The following C10orf143 variants were observed in gnomAD, a reference collection of about 807,000 sequenced individuals.
C10orf143 encodes uncharacterized protein C10orf143.
chr10:130,098,556 A>G (rs1401621989), intron 1 of C10orf143, among the ~76,000 whole-genome samples: 1 of 152,206 alleles, frequency 6.6e-6, no homozygotes, highest in Non-Finnish European at 1.5e-5. Flanking sequence ...AGTTAAACAC[A>G]CACACACCCT....
At chr10:130,047,703 G>A (rs559368927) in intron 3 of C10orf143, among the ~76,000 whole-genome samples, 5 of 152,296 alleles carry the variant, frequency 3.3e-5, no homozygotes, top group South Asian at 2.1e-4. Flanking sequence ...CCCAGGCCAC[G>A]TGACCCTAGC....
chr10:130,078,928 C>T (rs780233939), intron 3 of C10orf143, among the ~76,000 whole-genome samples: 4 of 151,874 alleles, frequency 2.6e-5, no homozygotes, highest in African/African-American at 4.8e-5. Flanking sequence ...ATTAAGATTC[C>T]AAATGTAAAA....
At chr10:130,067,582 A>G (rs1000599867) in intron 3 of C10orf143, 2 of 152,152 alleles carry the variant, frequency 1.3e-5, no homozygotes, top group Non-Finnish European at 2.9e-5. Context: ...CTGCCAGAGG[A>G]GTCATTTTTT....
intron 1 of C10orf143, among the ~76,000 whole-genome samples, chr10:130,081,843 G>T: frequency 3.6e-4 from 1 of 2,744 alleles, no homozygotes; most frequent in Non-Finnish European, 6.4e-4. Context: ...ACATTATAAA[G>T]ATGACAGTTC....
At chr10:130,084,149 A>T (rs1861252490) in intron 1 of C10orf143, among the ~76,000 whole-genome samples, 1 of 151,908 alleles carries the variant, frequency 6.6e-6, no homozygotes, top group Non-Finnish European at 1.5e-5. Flanking sequence ...TCTCTACTAA[A>T]AATACAAAAA....
chr10:130,064,151 T>C lies in C10orf143; in HGVS notation c.*203A>G, dbSNP rs768156864. 6 of 386,968 alleles carry C rather than the reference T, an allele frequency of 1.6e-5. No individual in the cohort carries two copies. The highest frequency in any genetic ancestry group is 2.3e-5 in the Non-Finnish European group (5 of 219,564). The allele number at this position is 386,968 out of a possible 1,614,324, so 24.0% of individuals were successfully genotyped here. Reference sequence around the variant, plus strand: ...GGATTTGGGGGCTCTTTTGAAGTGATGTGGATTCTCCTGGCTCTCGTGCAG... The same window carrying C: ...GGATTTGGGGGCTCTTTTGAAGTGACGTGGATTCTCCTGGCTCTCGTGCAG... On this transcript the variant is annotated 3_prime_UTR_variant, in exon 4 of 4. Transcript: ENST00000637128.
chr10:130,062,388 A>T (rs562915188), downstream of C10orf143, among the ~76,000 whole-genome samples: 2 of 152,136 alleles, frequency 1.3e-5, no homozygotes, highest in African/African-American at 2.4e-5. Flanking sequence ...CTCACCCTCA[A>T]TCTGGGTGGG....
chr10:130,085,507 GT>G (rs776026630), intron 1 of C10orf143, among the ~76,000 whole-genome samples: 1 of 152,194 alleles, frequency 6.6e-6, no homozygotes, highest in Non-Finnish European at 1.5e-5. Context: ...GACTGTCAAA[GT>G]GTCACAGATT....
rs368504261 is a variant in C10orf143 at position 130,085,000 on chromosome 10, A to G, written c.70-5099T>C. Among the ~76,000 whole-genome samples, 11 of 152,370 alleles carry G rather than the reference A, an allele frequency of 7.2e-5. No homozygotes were observed. In the East Asian group the frequency reaches 2.1e-3, roughly 29 times the overall value. On this transcript the variant is annotated intron_variant, in intron 1 of 3. Coordinates refer to ENST00000637128, the MANE Select transcript of C10orf143 (RefSeq NM_001355042.2). ...AAAACAGCACTGGATAATCCACAGA[A>G]TAAAGTAAATGCCTATTAGTCTACC...
At chr10:130,035,445 G>C (rs190661737) in intron 4 of C10orf143, among the ~76,000 whole-genome samples, 7 of 152,272 alleles carry the variant, frequency 4.6e-5, no homozygotes, top group South Asian at 2.1e-4. Flanking sequence ...CATGAATTTG[G>C]GGGGACTCAA....
In C10orf143 at chr10:130,050,221, G is replaced by A. The variant is rs974870042; in HGVS notation, c.298-14251C>T. Among the ~76,000 whole-genome samples the A allele has an allele frequency of 3.9e-5, 6 of 152,268 alleles. 1 individual carries two copies. In the South Asian group the frequency reaches 6.2e-4, roughly 16 times the overall value. Reference sequence around the variant, plus strand: ...TCACACCCAAACTTCCACTCTCGCTGGCCCCGGCCAAGTGCAGAATTGCGG... The same window carrying A: ...TCACACCCAAACTTCCACTCTCGCTAGCCCCGGCCAAGTGCAGAATTGCGG... On this transcript the variant is annotated intron_variant and NMD_transcript_variant, in intron 3 of 5. Transcript: ENST00000643056.
At chr10:130,102,803 C>T (rs1009459475) in intron 1 of C10orf143, among the ~76,000 whole-genome samples, 3 of 152,040 alleles carry the variant, frequency 2.0e-5, no homozygotes, top group African/African-American at 7.3e-5. Context: ...ATGAAATCAC[C>T]TTTTATATCC....
intron 3 of C10orf143, among the ~76,000 whole-genome samples, chr10:130,042,660 C>T (rs184588193): frequency 3.9e-4 from 59 of 152,320 alleles, no homozygotes; most frequent in Non-Finnish European, 1.2e-4. Context: ...AGGTTTGGAT[C>T]CACCTCTCCG....
At chr10:130,045,626 A>G (rs1310518384) in intron 3 of C10orf143, among the ~76,000 whole-genome samples, 3 of 152,202 alleles carry the variant, frequency 2.0e-5, no homozygotes, top group East Asian at 3.9e-4. Flanking sequence ...TGAAGCAGAG[A>G]TGTCAAAAAA....
At chr10:130,075,202 C>T (rs1861095617) in intron 3 of C10orf143, among the ~76,000 whole-genome samples, 1 of 152,156 alleles carries the variant, frequency 6.6e-6, no homozygotes, top group Admixed American at 6.5e-5. Flanking sequence ...GCTGGCTTTT[C>T]AGTGGTAACT....
chr10:130,087,851 G>A (rs1467764673), intron 1 of C10orf143, among the ~76,000 whole-genome samples: 1 of 152,176 alleles, frequency 6.6e-6, no homozygotes, highest in Non-Finnish European at 1.5e-5. Context: ...CTCTGCCACC[G>A]GTGGGGCTCT....
rs1391277254 is a variant in C10orf143 at position 130,096,314 on chromosome 10, G to A, written c.69+14390C>T. ...CAACAGATGCTGGAGAGGATGTGGA[G>A]AAATAGGAACGTTTTTACACTGTTG... is the stretch of plus-strand genomic sequence containing the variant. On this transcript the variant is annotated intron_variant, in intron 1 of 3. Coordinates refer to ENST00000637128, the MANE Select transcript of C10orf143 (RefSeq NM_001355042.2). Among the ~76,000 whole-genome samples, 3 of 151,994 alleles carry A rather than the reference G, an allele frequency of 2.0e-5. No individual in the cohort carries two copies. In the East Asian group the frequency reaches 5.8e-4, roughly 29 times the overall value.
chr10:130,070,881 G>A (rs191624800), intron 3 of C10orf143, among the ~76,000 whole-genome samples: 1 of 151,998 alleles, frequency 6.6e-6, no homozygotes, highest in Non-Finnish European at 1.5e-5. Context: ...GGTTGTTTCT[G>A]GCTTTTCTTA....
chr10:130,105,033 ATTC>A (rs1376406614), intron 1 of C10orf143: 1 of 152,130 alleles, frequency 6.6e-6, no homozygotes, highest in African/African-American at 2.4e-5. Flanking sequence ...AGTTGAAGCA[ATTC>A]TTCTGTCTCA....
Sources: gnomAD v4.1 joint callset for allele counts (sites outside exome capture counted in the v4.1 genomes callset) on GRCh38, gnomAD v4.1.1 for gene constraint, MANE v1.5 for transcripts, NCBI Gene and HGNC (gene_info 2026-07-23, HGNC 2026-07-21) for gene names.